Variants in ESR1 observed in about 807,000 individuals in gnomAD.
The protein encoded by ESR1 is estrogen receptor.
ESR1 carries 12 observed loss-of-function variants against 52.7 expected under a neutral mutation model. The ratio of observed to expected loss-of-function variants is 0.23; its 90% CI spans 0.15 to 0.37. ESR1 has a LOEUF of 0.37. ESR1 is among the 10% of genes least tolerant of loss of function. The pLI, the probability that ESR1 is intolerant of heterozygous loss-of-function variation, is 1.00. For missense variants in ESR1, 584 were observed against 779.7 expected, an observed-to-expected ratio of 0.75 and a Z score of 2.99; for synonymous variants, 305 against 316.8, an observed-to-expected ratio of 0.96 and a Z score of 0.39.
intron 6 of ESR1, chr6:152,122,427 C>A: frequency 6.2e-7 from 1 of 1,614,110 alleles, no homozygotes; most frequent in Non-Finnish European, 8.5e-7. Context: ...CAGATGGCAT[C>A]TGCTTAGTTC....
At chr6:151,897,896 C>A (rs568271311) in intron 3 of ESR1, among the ~76,000 whole-genome samples, 5 of 152,022 alleles carry the variant, frequency 3.3e-5, no homozygotes, top group African/African-American at 1.2e-4. Flanking sequence ...TTGGTAGTGG[C>A]GAATTCTCTT....
chr6:152,027,206 T>C (rs969893684), intron 5 of ESR1, among the ~76,000 whole-genome samples: 3 of 152,140 alleles, frequency 2.0e-5, no homozygotes, highest in Non-Finnish European at 4.4e-5. Context: ...CCTCAAGTGA[T>C]CCACCCCATC....
intron 2 of ESR1, among the ~76,000 whole-genome samples, chr6:151,853,469 A>G (rs1787264604): frequency 6.6e-6 from 1 of 152,204 alleles, no homozygotes; most frequent in Admixed American, 6.5e-5. Flanking sequence ...GAAGAGTTAA[A>G]TCACAGCCTT....
At chr6:151,906,240 C>T (rs1023553834) in intron 3 of ESR1, among the ~76,000 whole-genome samples, 6 of 152,074 alleles carry the variant, frequency 3.9e-5, no homozygotes, top group African/African-American at 1.4e-4. Context: ...TCCACCCCAC[C>T]TTGTAAATGA....
In ESR1 at chr6:152,101,510, G is replaced by A. The variant is rs143354689; in HGVS notation, c.*2544G>A. On this transcript the variant is annotated 3_prime_UTR_variant, in exon 8 of 8. Coordinates refer to ENST00000206249, the MANE Select transcript of ESR1 (RefSeq NM_000125.4). ...GATACTACTACATTTGAAGTGGGCA[G>A]AGAACATCAGATGATTGAAATGTTC... 334 of 232,276 alleles carry A rather than the reference G, an allele frequency of 1.4e-3. 1 individual carries two copies. The highest frequency in any genetic ancestry group is 6.7e-3 in the African/African-American group (303 of 45,404). The allele number at this position is 232,276 out of a possible 1,614,324, so 14.4% of individuals were successfully genotyped here. A position where few individuals can be genotyped will look rare whatever the true frequency, so the allele number is the denominator to read the frequency against.
chr6:151,876,958 T>G (rs1033263033), intron 2 of ESR1, among the ~76,000 whole-genome samples: 1 of 150,964 alleles, frequency 6.6e-6, no homozygotes, highest in Non-Finnish European at 1.5e-5. Flanking sequence ...GAGTCCTGTC[T>G]TTTCAGTTAA....
chr6:151,713,481 G>A (rs1002796017), intron 2 of ESR1, among the ~76,000 whole-genome samples: 32 of 152,066 alleles, frequency 2.1e-4, no homozygotes, highest in African/African-American at 5.8e-4. Flanking sequence ...GCTTTTTTTG[G>A]TTGGTAGGCT....
chr6:152,032,199 A>C (rs2044779171), intron 5 of ESR1, among the ~76,000 whole-genome samples: 1 of 152,208 alleles, frequency 6.6e-6, no homozygotes, highest in Non-Finnish European at 1.5e-5. Flanking sequence ...GAATGGACAA[A>C]ACCTGGGAGC....
chr6:151,940,841 G>A (rs146764367), intron 3 of ESR1, among the ~76,000 whole-genome samples: 1 of 152,172 alleles, frequency 6.6e-6, no homozygotes, highest in Non-Finnish European at 1.5e-5. Flanking sequence ...TGCATCTTCC[G>A]TGAATATACA....
In ESR1 at chr6:152,060,878, A is replaced by G. The variant is rs2047489020; in HGVS notation, c.1236-113A>G. On this transcript the variant is annotated intron_variant, in intron 5 of 7. Transcript: ENST00000206249. ...AGACAATGGCTGATAGTTTTTTGTT[A>G]AAGATTTAGAACCAGTGGATTTTTA... 4 of 846,724 alleles carry G rather than the reference A, an allele frequency of 4.7e-6. No individual in the cohort carries two copies. In the South Asian group the frequency reaches 6.7e-5, roughly 14 times the overall value. The allele number at this position is 846,724 out of a possible 1,614,324, so 52.5% of individuals were successfully genotyped here.
chr6:152,084,510 A>G (rs993754392), intron 6 of ESR1, among the ~76,000 whole-genome samples: 2 of 152,132 alleles, frequency 1.3e-5, no homozygotes, highest in Admixed American at 1.3e-4. Flanking sequence ...GTGGAACTGT[A>G]AGTCCAGTTA....
intron 1 of ESR1, among the ~76,000 whole-genome samples, chr6:151,677,848 G>A (rs551849485): frequency 8.6e-4 from 131 of 152,250 alleles, no homozygotes; most frequent in African/African-American, 3.0e-3. Flanking sequence ...AGATTGTATT[G>A]TTTCAGATTT....
chr6:151,915,078 T>A (rs1798842001), intron 3 of ESR1, among the ~76,000 whole-genome samples: 1 of 151,798 alleles, frequency 6.6e-6, no homozygotes, highest in South Asian at 2.1e-4. Context: ...ATAAAACAGG[T>A]CTATTACTCA....
intron 6 of ESR1, among the ~76,000 whole-genome samples, chr6:152,113,822 G>A (rs1401062989): frequency 1.3e-5 from 2 of 152,022 alleles, no homozygotes; most frequent in South Asian, 2.1e-4. Flanking sequence ...ACCCACGCAG[G>A]AGGCACCATT....
chr6:151,686,912 C>T (rs998798823), upstream of ESR1, among the ~76,000 whole-genome samples: 4 of 152,172 alleles, frequency 2.6e-5, no homozygotes, highest in African/African-American at 9.7e-5. Context: ...ATAGCCAGAC[C>T]CTGCAATGTG....
upstream of ESR1, among the ~76,000 whole-genome samples, chr6:151,806,555 T>TATAC (rs1554259045): frequency 2.1e-5 from 3 of 142,684 alleles, no homozygotes; most frequent in South Asian, 4.3e-4. Flanking sequence ...TATATATATA[T>TATAC]ATACACATAT....
At position 152,100,944 on chromosome 6, in the gene ESR1, T is replaced by C. The variant is rs1585262463; in HGVS notation, c.*1978T>C. On this transcript the variant is annotated 3_prime_UTR_variant, in exon 8 of 8. Coordinates refer to ENST00000206249, the MANE Select transcript of ESR1 (RefSeq NM_000125.4). The stretch of plus-strand genomic sequence containing the variant: ...TAATATATATTTTTTTGAAATTACA[T>C]TGCTTGTTTATCAGACAATTGAATG... 4.3e-6 allele frequency: 1 copy of C among 230,488 alleles called. No individual in the cohort carries two copies. Among genetic ancestry groups the C allele is most frequent in the South Asian group, 1.8e-4 (1 of 5,508 alleles). The allele number at this position is 230,488 out of a possible 1,614,324, so 14.3% of individuals were successfully genotyped here. A position where few individuals can be genotyped will look rare whatever the true frequency, so the allele number is the denominator to read the frequency against.
At chr6:151,698,760 A>G (rs1304865571) in intron 1 of ESR1, among the ~76,000 whole-genome samples, 1 of 152,212 alleles carries the variant, frequency 6.6e-6, no homozygotes, top group African/African-American at 2.4e-5. Context: ...ATCTCAAATG[A>G]TGATGCTACA....
intron 6 of ESR1, among the ~76,000 whole-genome samples, chr6:152,086,823 G>A (rs1291819213): frequency 6.6e-6 from 1 of 152,058 alleles, no homozygotes; most frequent in African/African-American, 2.4e-5. Flanking sequence ...ACTTTGATGA[G>A]TGTATGGTCT....
Sources: allele counts gnomAD v4.1 joint callset (sites outside exome capture counted in the v4.1 genomes callset), GRCh38; gene constraint gnomAD v4.1.1; transcripts MANE v1.5; gene names NCBI Gene and HGNC (gene_info 2026-07-23, HGNC 2026-07-21).